RETREG1: variants seen among roughly 807,000 people sequenced by gnomAD.
RETREG1 encodes the protein family with sequence similarity 134 member B.
RETREG1 carries 44 observed loss-of-function variants against 54.8 expected under a neutral mutation model. The ratio of observed to expected loss-of-function variants is 0.80; its 90% CI spans 0.63 to 1.03. RETREG1 has a LOEUF of 1.03. Ranked by LOEUF, RETREG1 falls within the 50% of genes least tolerant of loss-of-function variation. The probability of loss-of-function intolerance (pLI) is 0.00; values close to 1 mark genes in which losing one functional copy is unlikely to be tolerated. For synonymous variants in RETREG1, 217 were observed against 238.5 expected (o/e 0.91, Z 0.83); for missense variants, 554 against 605.1 (o/e 0.92, Z 0.89).
At chr5:16,503,880 G>A (rs1055676266) in intron 3 of RETREG1, among the ~76,000 whole-genome samples, 1 of 144,224 alleles carries the variant, frequency 6.9e-6, no homozygotes, top group Non-Finnish European at 1.6e-5. Flanking sequence ...TCTCTTTCCA[G>A]CTTCACTTTT....
At chr5:16,578,005 T>C (rs1287104881) in intron 1 of RETREG1, among the ~76,000 whole-genome samples, 1 of 152,168 alleles carries the variant, frequency 6.6e-6, no homozygotes, top group Admixed American at 6.5e-5. Flanking sequence ...GACTCATACG[T>C]TTTCTTATTC....
chr5:16,511,361 A>T (rs1481075433), intron 3 of RETREG1, among the ~76,000 whole-genome samples: 1 of 152,154 alleles, frequency 6.6e-6, no homozygotes, highest in Non-Finnish European at 1.5e-5. Flanking sequence ...GATTCTACCC[A>T]ACCATAGGCT....
Position 16,585,824 on chromosome 5 carries a change from G to A in RETREG1, c.321-13722C>T, listed in dbSNP as rs1742612896. The stretch of plus-strand genomic sequence containing the variant: ...TCTCATATGGTGGGAGCAGTGGCAA[G>A]AGGGAGTGTGGGGAGGGGGTGCCAC... On this transcript the variant is annotated intron_variant, in intron 1 of 8. Transcript: ENST00000306320. This position sits in a 1 kb window ranked among gnomAD's most constrained non-coding sequence, Gnocchi z 4.5. Among the ~76,000 whole-genome samples the A allele has an allele frequency of 1.3e-5, 2 of 152,136 alleles. No individual in the cohort carries two copies. The highest frequency in any genetic ancestry group is 2.9e-5 in the Non-Finnish European group (2 of 68,030).
At chr5:16,600,198 G>A (rs1419705763) in intron 1 of RETREG1, among the ~76,000 whole-genome samples, 4 of 152,024 alleles carry the variant, frequency 2.6e-5, no homozygotes, top group African/African-American at 7.2e-5. Flanking sequence ...ACAGGGTTTC[G>A]CCATGTTGGC....
intron 1 of RETREG1, among the ~76,000 whole-genome samples, chr5:16,604,125 G>A (rs1346094357): frequency 2.0e-5 from 3 of 152,180 alleles, no homozygotes; most frequent in South Asian, 2.1e-4. Flanking sequence ...CTTGATCTGA[G>A]AAAGAAATTA....
intron 3 of RETREG1, among the ~76,000 whole-genome samples, chr5:16,542,547 C>A (rs556391609): frequency 6.6e-6 from 1 of 152,342 alleles, no homozygotes; most frequent in Admixed American, 6.5e-5. Context: ...AACAACGCAG[C>A]CCAGAGCCAT....
At position 16,475,097 on chromosome 5, in the gene RETREG1, A is replaced by G. The variant is rs1483307129; in HGVS notation, c.1138T>C (p.Leu380=). 1 of 1,613,910 alleles carries G rather than the reference A, an allele frequency of 6.2e-7. No individual in the cohort carries two copies. Residue 380 remains leucine, a synonymous_variant, in exon 9 of 9, where the codon TTG becomes CTG. Coordinates refer to ENST00000306320, the MANE Select transcript of RETREG1 (RefSeq NM_001034850.3). ...TTGCTTGGTCTGTGACCACTGTCCA[A>G]CTGTTCCTTCTTTCTCTTGAGCTCA... ...PTELKRKKEQ[L]DSGHRPSKET...
chr5:16,577,256 C>T (rs971922710), intron 1 of RETREG1, among the ~76,000 whole-genome samples: 1 of 149,812 alleles, frequency 6.7e-6, no homozygotes, highest in Non-Finnish European at 1.5e-5. Context: ...TAAGTTGGCA[C>T]GTGGATCTAG....
chr5:16,536,788 T>G (rs530602700), intron 3 of RETREG1, among the ~76,000 whole-genome samples: 130 of 152,158 alleles, frequency 8.5e-4, no homozygotes, highest in Admixed American at 3.1e-3. Context: ...ATGCCTGAGA[T>G]CTCAGACTCT....
rs1383785825 is a variant in RETREG1, at chr5:16,481,094, C to A, written c.586-1G>T. The A allele has an allele frequency of 6.2e-7, 1 of 1,608,200 alleles. No individual in the cohort carries two copies. Among genetic ancestry groups the A allele is most frequent in the East Asian group, 2.2e-5 (1 of 44,804 alleles). On this transcript the variant is annotated splice_acceptor_variant, in intron 4 of 8. Coordinates refer to ENST00000306320, the MANE Select transcript of RETREG1 (RefSeq NM_001034850.3). LOFTEE classifies it high-confidence loss of function. ...ACACACTACAGACCAGGAGACAAAA[C>A]TGGAAATAATAGAAATAACATGGGA...
At chr5:16,498,922 G>T (rs1489315486) in intron 3 of RETREG1, among the ~76,000 whole-genome samples, 1 of 152,002 alleles carries the variant, frequency 6.6e-6, no homozygotes, top group Non-Finnish European at 1.5e-5. Context: ...TTAGCTTACT[G>T]TAACTTTTTT....
chr5:16,538,234 CAG>C (rs1285414209), intron 3 of RETREG1, among the ~76,000 whole-genome samples: 1 of 152,080 alleles, frequency 6.6e-6, no homozygotes, highest in African/African-American at 2.4e-5. Flanking sequence ...CGGTCGACAT[CAG>C]GGGGAAAAAT....
chr5:16,482,839 T>A (rs905720609), intron 4 of RETREG1, among the ~76,000 whole-genome samples: 3 of 152,144 alleles, frequency 2.0e-5, no homozygotes, highest in African/African-American at 7.2e-5. Flanking sequence ...TTTATCTTAA[T>A]TGGAAAAATA....
At position 16,594,949 on chromosome 5, in the gene RETREG1, C is replaced by G. The variant is rs1001240059; in HGVS notation, c.320+21703G>C. Among the ~76,000 whole-genome samples, 1 of 152,196 alleles carries G rather than the reference C, an allele frequency of 6.6e-6. No individual in the cohort carries two copies. Among genetic ancestry groups the G allele is most frequent in the South Asian group, 2.1e-4 (1 of 4,826 alleles). ...TGAAGAAAGAGATGAAGTAAGGTTT[C>G]CAGACTGCAGTGAATATCCCAAGAT... is the stretch of plus-strand genomic sequence containing the variant. On this transcript the variant is annotated intron_variant, in intron 1 of 8. Coordinates refer to ENST00000306320, the MANE Select transcript of RETREG1 (RefSeq NM_001034850.3). The surrounding 1 kb of genome is among the most constrained non-coding windows in gnomAD (Gnocchi z 4.4).
At chr5:16,524,632 T>C (rs1740642049) in intron 3 of RETREG1, among the ~76,000 whole-genome samples, 1 of 152,248 alleles carries the variant, frequency 6.6e-6, no homozygotes, top group African/African-American at 2.4e-5. Flanking sequence ...TGTGGTTTTA[T>C]ATTATTTTTA....
chr5:16,586,287 G>A (rs1023809857), intron 1 of RETREG1, among the ~76,000 whole-genome samples: 1 of 152,180 alleles, frequency 6.6e-6, no homozygotes, highest in Admixed American at 6.5e-5. Flanking sequence ...CTTTGTGTCT[G>A]CCCAGTGGGA....
At chr5:16,536,366 G>A (rs1741074406) in intron 3 of RETREG1, among the ~76,000 whole-genome samples, 2 of 152,058 alleles carry the variant, frequency 1.3e-5, no homozygotes, top group South Asian at 2.1e-4. Flanking sequence ...GAAGCTGGAC[G>A]GTGTTGATAA....
chr5:16,479,698 CAA>C (rs1738687988), intron 5 of RETREG1, among the ~76,000 whole-genome samples: 1 of 152,042 alleles, frequency 6.6e-6, no homozygotes, highest in African/African-American at 2.4e-5. Flanking sequence ...CAAAAAGAAG[CAA>C]AGATTGCCAC....
chr5:16,558,884 A>T (rs1397934242), intron 3 of RETREG1, among the ~76,000 whole-genome samples: 3 of 152,270 alleles, frequency 2.0e-5, no homozygotes, highest in Non-Finnish European at 4.4e-5. Flanking sequence ...GATATGAGTC[A>T]TAAATATAAA....
Sources: allele counts gnomAD v4.1 joint callset (sites outside exome capture counted in the v4.1 genomes callset), GRCh38; gene constraint gnomAD v4.1.1; non-coding constraint Gnocchi (gnomAD v3.1); transcripts MANE v1.5; gene names NCBI Gene and HGNC (gene_info 2026-07-23, HGNC 2026-07-21).